HTR1F: variants seen among roughly 807,000 people sequenced by gnomAD.
HTR1F encodes the protein 5-hydroxytryptamine (serotonin) receptor 1F, G protein-coupled.
A neutral mutation model predicts 24.0 loss-of-function variants in HTR1F; 17 were observed. The observed-to-expected ratio is 0.71, with a 90% CI of 0.48 to 1.06. HTR1F has a LOEUF of 1.06. Ranked by LOEUF, HTR1F falls within the 50% of genes least tolerant of loss-of-function variation. The pLI is 0.00. For missense variants in HTR1F, 391 were observed against 427.8 expected (o/e 0.91, Z 0.76); for synonymous variants, 186 against 156.8 (o/e 1.19, Z -1.39).
chr3:87,961,208 C>T (rs1440621264), intron 2 of HTR1F, among the ~76,000 whole-genome samples: 1 of 151,926 alleles, frequency 6.6e-6, no homozygotes, highest in Non-Finnish European at 1.5e-5. Context: ...CACCAATCAA[C>T]AATTATAGTA....
chr3:87,929,489 AT>A (rs1704208024), intron 2 of HTR1F, among the ~76,000 whole-genome samples: 1 of 152,218 alleles, frequency 6.6e-6, no homozygotes, highest in South Asian at 2.1e-4. Context: ...ATAATAGGAT[AT>A]AATTTATAGA....
intron 2 of HTR1F, among the ~76,000 whole-genome samples, chr3:87,987,758 A>T (rs1195376735): frequency 3.7e-5 from 5 of 134,466 alleles, no homozygotes; most frequent in South Asian, 2.2e-4. Context: ...TATATGTATT[A>T]TATATATGTA....
chr3:87,810,735 A>G (rs1181791393), intron 1 of HTR1F, among the ~76,000 whole-genome samples: 2 of 152,224 alleles, frequency 1.3e-5, no homozygotes, highest in East Asian at 3.8e-4. Context: ...TTACTGGTGT[A>G]TAAATTATTT....
chr3:87,869,566 G>A (rs530638357), intron 2 of HTR1F, among the ~76,000 whole-genome samples: 145 of 152,172 alleles, frequency 9.5e-4, no homozygotes, highest in Non-Finnish European at 2.0e-3. Flanking sequence ...CGATAAACTG[G>A]AGACCCAAGA....
rs550677155 is a variant in HTR1F, at chr3:87,895,973, T to C, written c.-43+73849T>C. Among the ~76,000 whole-genome samples, 65 of 152,304 alleles carry C rather than the reference T, an allele frequency of 4.3e-4. 1 individual carries two copies. The highest frequency in any genetic ancestry group is 7.2e-4 in the Admixed American group (11 of 15,284). On this transcript the variant is annotated intron_variant, in intron 2 of 2. Transcript: ENST00000319595. ...ATTGAAGCCCTTCCAAAAGATGTAT[T>C]TATAAGAAGAGTGCTTTAAAATATC...
At chr3:87,893,560 A>G (rs1375348873) in intron 2 of HTR1F, among the ~76,000 whole-genome samples, 2 of 152,220 alleles carry the variant, frequency 1.3e-5, no homozygotes, top group Non-Finnish European at 2.9e-5. Flanking sequence ...GCACAATGTC[A>G]ACAGTAGCAA....
chr3:87,921,107 C>T (rs369782874), intron 2 of HTR1F, among the ~76,000 whole-genome samples: 96 of 151,998 alleles, frequency 6.3e-4, no homozygotes, highest in African/African-American at 2.3e-3. Context: ...ATTTGTCGAA[C>T]ATCTACAAAT....
chr3:87,817,452 CA>C (rs1704270114), intron 1 of HTR1F, among the ~76,000 whole-genome samples: 2 of 152,030 alleles, frequency 1.3e-5, no homozygotes, highest in African/African-American at 4.8e-5. Context: ...AGTTGATATT[CA>C]ATTAGAAAAG....
chr3:87,988,363 C>T (rs1705724411), intron 2 of HTR1F, among the ~76,000 whole-genome samples: 1 of 151,678 alleles, frequency 6.6e-6, no homozygotes, highest in Non-Finnish European at 1.5e-5. Context: ...TAGACAATCA[C>T]TCTTTTTCAG....
At chr3:87,843,356 T>G (rs1704850771) in intron 2 of HTR1F, among the ~76,000 whole-genome samples, 1 of 151,848 alleles carries the variant, frequency 6.6e-6, no homozygotes, top group South Asian at 2.1e-4. Flanking sequence ...AGATATTAAA[T>G]GTGAGCAGTG....
intron 2 of HTR1F, among the ~76,000 whole-genome samples, chr3:87,828,185 T>C (rs563673626): frequency 6.6e-6 from 1 of 152,348 alleles, no homozygotes; most frequent in African/African-American, 2.4e-5. Flanking sequence ...ATTTATAGCA[T>C]GTCTCTGCAT....
At chr3:87,894,544 C>A (rs1706157067) in intron 2 of HTR1F, among the ~76,000 whole-genome samples, 1 of 142,760 alleles carries the variant, frequency 7.0e-6, no homozygotes, top group Non-Finnish European at 1.5e-5. Context: ...AGATGTGAGC[C>A]ATGTTGCCCA....
At chr3:87,970,397 G>A (rs1334871894) in intron 2 of HTR1F, among the ~76,000 whole-genome samples, 1 of 152,202 alleles carries the variant, frequency 6.6e-6, no homozygotes, top group African/African-American at 2.4e-5. Context: ...CCTAAGTGAT[G>A]CTGTTGCTAT....
chr3:87,967,306 C>T lies in HTR1F; in HGVS notation c.-42-23402C>T, dbSNP rs548241973. Among the ~76,000 whole-genome samples, 49 of 152,058 alleles carry T rather than the reference C, an allele frequency of 3.2e-4. No homozygotes were observed. In the South Asian group the frequency reaches 8.9e-3, roughly 28 times the overall value. On this transcript the variant is annotated intron_variant, in intron 2 of 2. Coordinates refer to ENST00000319595, the MANE Select transcript of HTR1F (RefSeq NM_001322209.2). Reference sequence around the variant, plus strand: ...CTCCACTAAAAATACAAAAATTAGCCGGGCATGGTGGCACACTCCTGTAAT... The same window carrying T: ...CTCCACTAAAAATACAAAAATTAGCTGGGCATGGTGGCACACTCCTGTAAT...
chr3:87,888,859 T>A (rs1036870407), intron 2 of HTR1F, among the ~76,000 whole-genome samples: 10 of 152,176 alleles, frequency 6.6e-5, no homozygotes, highest in African/African-American at 2.4e-4. Flanking sequence ...AATATTAGCA[T>A]CTGTAATTAC....
chr3:87,967,068 T>G (rs1223631509), intron 2 of HTR1F, among the ~76,000 whole-genome samples: 1 of 152,214 alleles, frequency 6.6e-6, no homozygotes, highest in Non-Finnish European at 1.5e-5. Flanking sequence ...AAATATTGTC[T>G]ATCCTAATAG....
chr3:87,814,390 A>G (rs1333380054), intron 1 of HTR1F, among the ~76,000 whole-genome samples: 1 of 152,154 alleles, frequency 6.6e-6, no homozygotes. Context: ...CATTTGTGTT[A>G]AGAACTCTTA....
chr3:87,850,667 GTA>G (rs1705065276), intron 2 of HTR1F, among the ~76,000 whole-genome samples: 1 of 151,546 alleles, frequency 6.6e-6, no homozygotes, highest in African/African-American at 2.4e-5. Flanking sequence ...CAAAAATTAA[GTA>G]TGTCAATAGA....
intron 2 of HTR1F, among the ~76,000 whole-genome samples, chr3:87,872,292 C>T (rs1559613474): frequency 6.6e-6 from 1 of 152,012 alleles, no homozygotes; most frequent in Non-Finnish European, 1.5e-5. Flanking sequence ...TAAACACCTA[C>T]ATTAAATAAA....
Sources: gnomAD v4.1 joint callset for allele counts (sites outside exome capture counted in the v4.1 genomes callset) on GRCh38, gnomAD v4.1.1 for gene constraint, MANE v1.5 for transcripts, NCBI Gene and HGNC (gene_info 2026-07-23, HGNC 2026-07-21) for gene names.